Variants in CEP97 observed in about 807,000 individuals in gnomAD.
CEP97 encodes centrosomal protein 97.
CEP97 carries 43 observed loss-of-function variants against 73.1 expected under a neutral mutation model. The ratio of observed to expected loss-of-function variants is 0.59; its 90% CI spans 0.46 to 0.76. CEP97 has a LOEUF of 0.76. CEP97 is among the 30% of genes least tolerant of loss of function. The pLI is 0.00. For missense variants in CEP97, 939 were observed against 1,014.0 expected (o/e 0.93, Z 1.00); for synonymous variants, 337 against 370.0 (o/e 0.91, Z 1.02).
chr3:101,749,153 C>A (rs2107168531), intron 6 of CEP97, among the ~76,000 whole-genome samples: 1 of 112,956 alleles, frequency 8.9e-6, no homozygotes, highest in Middle Eastern at 6.1e-3. Context: ...CCTCCCCCCA[C>A]CCCACAACAG....
In CEP97 at chr3:101,769,184, A is replaced by G. The variant is rs1313211881; in HGVS notation, c.*3633A>G. ...TCTCCCTTGGTATTTTTTGTGTGCA[A>G]AGTCTTAGAATTGGATTTATAACAT... On this transcript the variant is annotated 3_prime_UTR_variant, in exon 11 of 11. Coordinates refer to ENST00000341893, the MANE Select transcript of CEP97 (RefSeq NM_024548.4). The G allele has an allele frequency of 2.0e-5, 3 of 152,138 alleles. No homozygotes were observed. Among genetic ancestry groups the G allele is most frequent in the Non-Finnish European group, 4.4e-5 (3 of 68,024 alleles). 9.4% of individuals were successfully genotyped at this position (152,138 alleles called of 1,614,324 possible).
chr3:101,725,287 G>A (rs1403576439), intron 1 of CEP97, among the ~76,000 whole-genome samples: 1 of 152,192 alleles, frequency 6.6e-6, no homozygotes, highest in Non-Finnish European at 1.5e-5. Context: ...TCGCTGCCCA[G>A]TAGAGCACAG....
At chr3:101,761,336 A>G (rs529030361) in intron 9 of CEP97, among the ~76,000 whole-genome samples, 1 of 152,274 alleles carries the variant, frequency 6.6e-6, no homozygotes, top group African/African-American at 2.4e-5. Flanking sequence ...GTGTAGTCAA[A>G]ATGATTTGGT....
intron 6 of CEP97, among the ~76,000 whole-genome samples, chr3:101,736,340 T>G (rs955639512): frequency 1.3e-5 from 2 of 152,198 alleles, no homozygotes; most frequent in Non-Finnish European, 2.9e-5. Flanking sequence ...ACACAGCCCT[T>G]GAGCTCTGCT....
At chr3:101,743,489 A>T (rs150708441) in intron 6 of CEP97, among the ~76,000 whole-genome samples, 1 of 151,916 alleles carries the variant, frequency 6.6e-6, no homozygotes. Flanking sequence ...TCCGCCTCCT[A>T]CGCTGAAGGG....
intron 1 of CEP97, among the ~76,000 whole-genome samples, chr3:101,725,440 G>C (rs1937848713): frequency 1.3e-5 from 2 of 152,164 alleles, no homozygotes; most frequent in African/African-American, 4.8e-5. Context: ...GTCGAGGCCC[G>C]TCTTCATGGC....
At position 101,732,471 on chromosome 3, in the gene CEP97, G is replaced by T; in HGVS notation, c.562-17G>T. The T allele has an allele frequency of 1.3e-6, 2 of 1,584,030 alleles. No individual in the cohort carries two copies. Among genetic ancestry groups the T allele is most frequent in the Non-Finnish European group, 1.7e-6 (2 of 1,157,180 alleles). On this transcript the variant is annotated splice_polypyrimidine_tract_variant and intron_variant, in intron 5 of 10. Transcript: ENST00000341893. ...CTGAATAGTCCTTTTGTTCAACAAA[G>T]ATATCTTTTGTTCCAGATCTCTTTT...
intron 6 of CEP97, among the ~76,000 whole-genome samples, chr3:101,742,062 ACAAAAAAAC>A (rs1560012797): frequency 1.3e-5 from 2 of 151,712 alleles, no homozygotes; most frequent in African/African-American, 4.8e-5. Context: ...AAACAAAAAA[ACAAAAAAAC>A]AAAAAAAACA....
intron 6 of CEP97, among the ~76,000 whole-genome samples, chr3:101,748,083 G>A (rs981540145): frequency 4.0e-5 from 5 of 126,488 alleles, no homozygotes; most frequent in African/African-American, 1.5e-4. Flanking sequence ...AGTGAGCCAT[G>A]ATAGTGCCAT....
intron 6 of CEP97, among the ~76,000 whole-genome samples, chr3:101,748,748 C>T (rs977850198): frequency 3.3e-5 from 5 of 152,200 alleles, no homozygotes; most frequent in Non-Finnish European, 7.3e-5. Flanking sequence ...TCATACCATT[C>T]TCCTGCCTCA....
At chr3:101,731,791 T>A (rs1450623092) in intron 4 of CEP97, 49 bp from the exon 5 acceptor site, 1 of 1,098,166 alleles carries the variant, frequency 9.1e-7, no homozygotes, top group African/African-American at 1.6e-5. Flanking sequence ...AATAGGCCAA[T>A]TTATTTGTAA....
chr3:101,736,166 A>G (rs1299832219), intron 6 of CEP97, among the ~76,000 whole-genome samples: 2 of 152,208 alleles, frequency 1.3e-5, no homozygotes, highest in East Asian at 3.8e-4. Flanking sequence ...TCTGGGCAGG[A>G]CATCTCTGAA....
chr3:101,724,899 C>G (rs544147174), intron 1 of CEP97, among the ~76,000 whole-genome samples, 180 bp downstream of exon 1: 1 of 152,364 alleles, frequency 6.6e-6, no homozygotes, highest in Admixed American at 6.5e-5. Context: ...GTTCCCAGCT[C>G]TCCGGCGTCG....
intron 6 of CEP97, among the ~76,000 whole-genome samples, chr3:101,754,896 ATT>A (rs370049971): frequency 1.3e-4 from 18 of 138,964 alleles, no homozygotes; most frequent in Admixed American, 1.5e-4. Context: ...TTCAGGTTTG[ATT>A]TTTTTTTTTT....
rs1937814033 is a variant in CEP97, at chr3:101,724,615, G to C, written c.-62G>C. On this transcript the variant is annotated 5_prime_UTR_variant, in exon 1 of 11. Transcript: ENST00000341893. ...TTATAGTTTCCGGCTCCCTCCTTCA[G>C]ATTACAAGCTCCACAGAGCCGCGGG... is the stretch of plus-strand genomic sequence containing the variant. The C allele has an allele frequency of 6.3e-7, 1 of 1,592,162 alleles. No individual in the cohort carries two copies. The highest frequency in any genetic ancestry group is 1.7e-5 in the Admixed American group (1 of 59,948).
At position 101,757,069 on chromosome 3, in the gene CEP97, C is replaced by T; in HGVS notation, c.900C>T (p.His300=). Residue 300 remains histidine, a synonymous_variant, in exon 8 of 11, where the codon CAC becomes CAT. Transcript: ENST00000341893. ...AGGTATTATTGATTTTTAGGTTTCA[C>T]CAGAGGCAGTTGATGAACCAAAGCC... ...LEKILSKQRF[H]QRQLMNQSQN... The T allele has an allele frequency of 6.2e-7, 1 of 1,606,040 alleles. No individual in the cohort carries two copies. The highest frequency in any genetic ancestry group is 8.5e-7 in the Non-Finnish European group (1 of 1,177,650).
intron 10 of CEP97, 109 bp downstream of exon 10, chr3:101,762,669 A>G (rs1411235950): frequency 2.7e-6 from 2 of 751,884 alleles, no homozygotes; most frequent in Non-Finnish European, 4.2e-6. Context: ...GTTCAAGGTT[A>G]AGGGTATGGC....
intron 6 of CEP97, among the ~76,000 whole-genome samples, chr3:101,743,418 C>CA (rs1345453094): frequency 6.6e-6 from 1 of 151,774 alleles, no homozygotes; most frequent in Non-Finnish European, 1.5e-5. Context: ...TTTTTGAAGA[C>CA]AGAGTGTTGC....
At chr3:101,753,183 A>G (rs1318854627) in intron 6 of CEP97, among the ~76,000 whole-genome samples, 3 of 152,204 alleles carry the variant, frequency 2.0e-5, no homozygotes, top group Non-Finnish European at 4.4e-5. Context: ...TGCCTGGGTA[A>G]CAGCAGTGGT....
Sources: gnomAD v4.1 joint callset for allele counts (sites outside exome capture counted in the v4.1 genomes callset) on GRCh38, gnomAD v4.1.1 for gene constraint, MANE v1.5 for transcripts, NCBI Gene and HGNC (gene_info 2026-07-23, HGNC 2026-07-21) for gene names.